TAFA2: variants seen among roughly 807,000 people sequenced by gnomAD.
TAFA2 encodes the protein chemokine-like protein TAFA-2.
Under a neutral mutation model 18.8 loss-of-function variants are expected in TAFA2, and 7 were observed. The ratio of observed to expected loss-of-function variants is 0.37; its 90% CI spans 0.21 to 0.70. The LOEUF (loss-of-function observed/expected upper bound fraction) is 0.70, where lower values mean the gene tolerates loss of function less well. Among genes scored for constraint, TAFA2 ranks in the 30% least tolerant of loss-of-function variants. The probability of loss-of-function intolerance (pLI) is 0.53; values close to 1 mark genes in which losing one functional copy is unlikely to be tolerated. For missense variants in TAFA2, 122 were observed against 158.1 expected (o/e 0.77, Z 1.23); for synonymous variants, 60 against 54.2 (o/e 1.11, Z -0.47).
At chr12:62,115,261 T>C (rs112108646) in intron 1 of TAFA2, among the ~76,000 whole-genome samples, 6 of 152,268 alleles carry the variant, frequency 3.9e-5, no homozygotes, top group African/African-American at 1.2e-4. Flanking sequence ...TGTGTATGTC[T>C]CCTTCCCCAG....
At chr12:61,730,229 G>A (rs2120646479) in intron 4 of TAFA2, among the ~76,000 whole-genome samples, 1 of 152,212 alleles carries the variant, frequency 6.6e-6, no homozygotes, top group East Asian at 1.9e-4. Flanking sequence ...CTGTCACATG[G>A]ACAGACTCAG....
intron 1 of TAFA2, among the ~76,000 whole-genome samples, chr12:62,058,204 G>A (rs1328018327): frequency 6.6e-6 from 1 of 152,096 alleles, no homozygotes; most frequent in African/African-American, 2.4e-5. Flanking sequence ...CTGTGGAGCT[G>A]ATTATAAGAT....
chr12:62,197,957 G>C (rs557621534), intron 1 of TAFA2, among the ~76,000 whole-genome samples: 1 of 152,166 alleles, frequency 6.6e-6, no homozygotes, highest in Non-Finnish European at 1.5e-5. Context: ...ATTGCTCTTG[G>C]GTTACTACCT....
At chr12:61,862,849 A>G (rs965460962) in intron 2 of TAFA2, among the ~76,000 whole-genome samples, 3 of 152,160 alleles carry the variant, frequency 2.0e-5, no homozygotes, top group African/African-American at 4.8e-5. Flanking sequence ...TACTTCCTAT[A>G]TGCTTTCTTC....
intron 1 of TAFA2, among the ~76,000 whole-genome samples, chr12:62,231,651 A>G (rs1334981893): frequency 1.3e-5 from 2 of 152,126 alleles, no homozygotes; most frequent in African/African-American, 4.8e-5. Flanking sequence ...TCCAAATTTT[A>G]TTAAGACTAT....
intron 2 of TAFA2, among the ~76,000 whole-genome samples, chr12:61,849,042 C>T (rs1276652426): frequency 2.0e-5 from 3 of 152,072 alleles, no homozygotes; most frequent in Admixed American, 6.5e-5. Flanking sequence ...CAGGGTTTCA[C>T]CATGTTGGCC....
intron 1 of TAFA2, among the ~76,000 whole-genome samples, chr12:62,078,367 T>C (rs1376910928): frequency 6.6e-6 from 1 of 150,448 alleles, no homozygotes; most frequent in Non-Finnish European, 1.5e-5. Context: ...GAGTCTGGCA[T>C]TCCCCATAAG....
chr12:62,186,797 ATAGAG>A (rs2062588673), intron 1 of TAFA2, among the ~76,000 whole-genome samples: 3 of 152,150 alleles, frequency 2.0e-5, no homozygotes, highest in Admixed American at 2.0e-4. Flanking sequence ...ACTGAACAAA[ATAGAG>A]TATTCTTCTT....
chr12:61,760,300 TGATA>T (rs139966923), intron 2 of TAFA2, among the ~76,000 whole-genome samples: 4,376 of 148,122 alleles, frequency 0.03, 227 homozygotes, highest in African/African-American at 0.1. Flanking sequence ...GATAGATAGA[TGATA>T]GATAGATAAT....
intron 4 of TAFA2, among the ~76,000 whole-genome samples, chr12:61,731,375 C>T (rs146330877): frequency 3.3e-5 from 5 of 152,196 alleles, no homozygotes; most frequent in African/African-American, 1.2e-4. Flanking sequence ...TGTTAGTCTC[C>T]ACACGCTGTT....
chr12:61,926,174 A>G (rs891043321), intron 1 of TAFA2, among the ~76,000 whole-genome samples: 2 of 152,204 alleles, frequency 1.3e-5, no homozygotes, highest in African/African-American at 4.8e-5. Flanking sequence ...TAGACCAAAA[A>G]CAAGTTCTGA....
At chr12:62,231,917 T>C (rs1301942977) in intron 1 of TAFA2, among the ~76,000 whole-genome samples, 2 of 152,174 alleles carry the variant, frequency 1.3e-5, no homozygotes, top group African/African-American at 4.8e-5. Context: ...AGACAAGGTC[T>C]TGCTGGTCTC....
chr12:62,008,930 T>C (rs1421238629), intron 1 of TAFA2, among the ~76,000 whole-genome samples: 1 of 152,232 alleles, frequency 6.6e-6, no homozygotes, highest in Non-Finnish European at 1.5e-5. Context: ...AGGACTGTTG[T>C]GCAATCATAC....
chr12:61,903,745 TAC>T (rs1876217182), intron 1 of TAFA2, among the ~76,000 whole-genome samples: 2 of 152,330 alleles, frequency 1.3e-5, no homozygotes, highest in South Asian at 2.1e-4. Context: ...TTAAAAATTC[TAC>T]AGTTTTTTTG....
At chr12:61,871,921 T>C (rs1413194599) in intron 1 of TAFA2, among the ~76,000 whole-genome samples, 1 of 152,034 alleles carries the variant, frequency 6.6e-6, no homozygotes, top group Non-Finnish European at 1.5e-5. Context: ...TGAAACCCTG[T>C]CTCTACTAAA....
chr12:62,198,390 G>A (rs1391376533), intron 1 of TAFA2: 1 of 152,196 alleles, frequency 6.6e-6, no homozygotes, highest in African/African-American at 2.4e-5. Context: ...ATATGGAAAA[G>A]GCTTTAGCCA....
chr12:61,948,813 T>C (rs1481285053), intron 1 of TAFA2, among the ~76,000 whole-genome samples: 1 of 152,196 alleles, frequency 6.6e-6, no homozygotes, highest in East Asian at 1.9e-4. Flanking sequence ...CCTCAGCGTC[T>C]TAGCTCTAGA....
chr12:61,832,524 C>G (rs1451637731), intron 2 of TAFA2, among the ~76,000 whole-genome samples: 1 of 152,068 alleles, frequency 6.6e-6, no homozygotes, highest in Non-Finnish European at 1.5e-5. Context: ...AAGCCACCCC[C>G]ACTAGGCTTT....
intron 1 of TAFA2, among the ~76,000 whole-genome samples, chr12:61,958,722 C>G (rs1878782120): frequency 6.6e-6 from 1 of 151,850 alleles, no homozygotes; most frequent in South Asian, 2.1e-4. Context: ...CATGTGTTTT[C>G]CAGATCTTCT....
Sources: allele counts gnomAD v4.1 joint callset (sites outside exome capture counted in the v4.1 genomes callset), GRCh38; gene constraint gnomAD v4.1.1; transcripts MANE v1.5; gene names NCBI Gene and HGNC (gene_info 2026-07-23, HGNC 2026-07-21).